The following LUZP2 variants were observed in gnomAD, a reference collection of about 807,000 sequenced individuals.
The protein encoded by LUZP2 is leucine zipper protein 2.
In LUZP2, 52 loss-of-function variants were observed where a neutral mutation model predicts 51.6. The observed-to-expected ratio is 1.01, with a 90% CI of 0.81 to 1.27. The LOEUF (loss-of-function observed/expected upper bound fraction) is 1.27, where lower values mean the gene tolerates loss of function less well. Among genes scored for constraint, LUZP2 ranks in the 50% most tolerant of loss-of-function variants. The probability of loss-of-function intolerance (pLI) is 0.00; values close to 1 mark genes in which losing one functional copy is unlikely to be tolerated. For missense variants in LUZP2, 436 were observed against 395.4 expected (o/e 1.10, Z -0.87); for synonymous variants, 154 against 137.3 (o/e 1.12, Z -0.85).
chr11:24,943,991 A>C (rs772616775), intron 7 of LUZP2, among the ~76,000 whole-genome samples: 102 of 152,132 alleles, frequency 6.7e-4, no homozygotes, highest in Admixed American at 1.2e-3. Flanking sequence ...CAAGAAGTCC[A>C]TGTATAATAA....
rs563154359 is a variant in LUZP2, at chr11:24,967,574, CT to C, written c.523-9010del. Reference sequence around the variant, plus strand: ...GAGGCCCTGTTCATGTTTCTTCAAACTTTTTTTCTCTTCACTGTTCTTCAGA... The same window carrying C: ...GAGGCCCTGTTCATGTTTCTTCAAACTTTTTTCTCTTCACTGTTCTTCAGA... On this transcript the variant is annotated intron_variant, in intron 7 of 11. Transcript: ENST00000336930. Among the ~76,000 whole-genome samples, 844 of 151,766 alleles carry C rather than the reference CT, an allele frequency of 5.6e-3. 7 individuals are homozygous for C. The highest frequency in any genetic ancestry group is 0.02 in the African/African-American group (813 of 41,452).
At chr11:24,955,932 A>T (rs570033038) in intron 7 of LUZP2, among the ~76,000 whole-genome samples, 1 of 152,186 alleles carries the variant, frequency 6.6e-6, no homozygotes, top group Non-Finnish European at 1.5e-5. Flanking sequence ...AATATGTTGG[A>T]TCATGCAGAA....
chr11:24,736,481 T>A (rs1356151981), intron 3 of LUZP2, among the ~76,000 whole-genome samples: 2 of 24,024 alleles, frequency 8.3e-5, no homozygotes, highest in Non-Finnish European at 5.7e-4. Context: ...CCTTCCTTCC[T>A]TCCTTCCTTC....
At chr11:24,739,493 G>A (rs1374999649) in intron 4 of LUZP2, among the ~76,000 whole-genome samples, 2 of 152,000 alleles carry the variant, frequency 1.3e-5, no homozygotes, top group African/African-American at 4.8e-5. Context: ...ACTAAGGCAG[G>A]GTGGCTCAAG....
chr11:24,951,413 C>T (rs1855075254), intron 7 of LUZP2, among the ~76,000 whole-genome samples: 1 of 151,442 alleles, frequency 6.6e-6, no homozygotes, highest in African/African-American at 2.4e-5. Flanking sequence ...TGTCCATTAG[C>T]TTAAAGCCAA....
intron 1 of LUZP2, among the ~76,000 whole-genome samples, chr11:24,517,799 A>G (rs1172176632): frequency 6.6e-6 from 1 of 152,104 alleles, no homozygotes; most frequent in Non-Finnish European, 1.5e-5. Flanking sequence ...TTATTTTTAT[A>G]TTGTGTCTGA....
At chr11:24,704,575 A>C (rs1051637713) in intron 1 of LUZP2, among the ~76,000 whole-genome samples, 1 of 151,842 alleles carries the variant, frequency 6.6e-6, no homozygotes, top group African/African-American at 2.4e-5. Context: ...GTGGAATTTA[A>C]ATTCTCTCAT....
intron 7 of LUZP2, among the ~76,000 whole-genome samples, chr11:24,929,920 G>T (rs1252615418): frequency 6.6e-6 from 1 of 152,072 alleles, no homozygotes; most frequent in Non-Finnish European, 1.5e-5. Context: ...CCAGTGTTAG[G>T]TGCTTATATA....
chr11:24,895,246 G>T (rs1003628119), intron 5 of LUZP2, among the ~76,000 whole-genome samples: 2 of 152,072 alleles, frequency 1.3e-5, no homozygotes, highest in Admixed American at 1.3e-4. Flanking sequence ...TTCGCTCTTG[G>T]AAGAACCCAG....
rs1859397937 is a variant in LUZP2, at chr11:25,078,910, C to G, written c.*252C>G. ...AGTAAATTGTCCCATATAAATTGGTCTGGTTTAACTCAAATGCTATCTAAC... is the reference window on the plus strand; with the variant it reads ...AGTAAATTGTCCCATATAAATTGGTGTGGTTTAACTCAAATGCTATCTAAC... On this transcript the variant is annotated 3_prime_UTR_variant, in exon 12 of 12. Coordinates refer to ENST00000336930, the MANE Select transcript of LUZP2 (RefSeq NM_001009909.4). 2.7e-6 allele frequency: 1 copy of G among 365,510 alleles called. No individual in the cohort carries two copies. The highest frequency in any genetic ancestry group is 4.9e-6 in the Non-Finnish European group (1 of 205,096). 22.6% of individuals were successfully genotyped at this position (365,510 alleles called of 1,614,324 possible).
intron 10 of LUZP2, among the ~76,000 whole-genome samples, chr11:25,062,829 TAAAC>T (rs1209195135): frequency 1.3e-5 from 2 of 151,398 alleles, no homozygotes; most frequent in Non-Finnish European, 3.0e-5. Context: ...TTTATATAAA[TAAAC>T]ATTGTAAAAA....
intron 5 of LUZP2, chr11:24,892,103 A>G: frequency 1.0e-6 from 1 of 985,564 alleles, no homozygotes; most frequent in Non-Finnish European, 1.2e-6. Context: ...GTGACTTACT[A>G]GTTTGATAGG....
chr11:24,497,469 G>A (rs1163338732), intron 1 of LUZP2, among the ~76,000 whole-genome samples, 164 bp downstream of exon 1: 1 of 152,166 alleles, frequency 6.6e-6, no homozygotes, highest in Non-Finnish European at 1.5e-5. Flanking sequence ...TTCTGAGAGA[G>A]CAGAGCCCTT....
At chr11:24,889,414 T>G (rs1852776593) in intron 5 of LUZP2, among the ~76,000 whole-genome samples, 1 of 152,234 alleles carries the variant, frequency 6.6e-6, no homozygotes. Context: ...TATTCAGGTC[T>G]TCTTTTTCTA....
intron 7 of LUZP2, among the ~76,000 whole-genome samples, chr11:24,946,979 A>G (rs1854918326): frequency 6.6e-6 from 1 of 151,968 alleles, no homozygotes; most frequent in Non-Finnish European, 1.5e-5. Flanking sequence ...GGAGAGATAT[A>G]CAACTACAGT....
chr11:24,773,548 G>A (rs1848815090), intron 5 of LUZP2, among the ~76,000 whole-genome samples: 1 of 152,054 alleles, frequency 6.6e-6, no homozygotes, highest in Admixed American at 6.6e-5. Flanking sequence ...GAGACAGAGT[G>A]GGCTGTTCAA....
intron 1 of LUZP2, among the ~76,000 whole-genome samples, chr11:24,505,528 T>TCGACAGTC (rs1248454777): frequency 6.6e-6 from 1 of 152,096 alleles, no homozygotes; most frequent in Non-Finnish European, 1.5e-5. Context: ...GCTCACTATA[T>TCGACAGTC]CGACAGTCTA....
chr11:24,687,276 A>G (rs1030254694), intron 1 of LUZP2, among the ~76,000 whole-genome samples: 6 of 152,152 alleles, frequency 3.9e-5, no homozygotes, highest in African/African-American at 1.4e-4. Flanking sequence ...ACTTACACTG[A>G]TGACTAAATA....
chr11:24,553,973 T>C (rs976917681), intron 1 of LUZP2, among the ~76,000 whole-genome samples: 2 of 152,164 alleles, frequency 1.3e-5, no homozygotes, highest in African/African-American at 4.8e-5. Context: ...AATGCCTTTG[T>C]GCAGCCTACG....
Sources: allele counts gnomAD v4.1 joint callset (sites outside exome capture counted in the v4.1 genomes callset), GRCh38; gene constraint gnomAD v4.1.1; transcripts MANE v1.5; gene names NCBI Gene and HGNC (gene_info 2026-07-23, HGNC 2026-07-21).